Variants in MPP7 observed in about 807,000 individuals in gnomAD.
MPP7 encodes the protein MAGUK p55 subfamily member 7.
Under a neutral mutation model 76.5 loss-of-function variants are expected in MPP7, and 60 were observed. The ratio of observed to expected loss-of-function variants is 0.78; its 90% CI spans 0.64 to 0.97. MPP7 has a LOEUF of 0.97. MPP7 is among the 50% of genes least tolerant of loss of function. The probability of loss-of-function intolerance (pLI) is 0.00; values close to 1 mark genes in which losing one functional copy is unlikely to be tolerated. For synonymous variants in MPP7, 237 were observed against 244.5 expected (o/e 0.97, Z 0.29); for missense variants, 641 against 694.0 (o/e 0.92, Z 0.86).
intron 6 of MPP7, among the ~76,000 whole-genome samples, chr10:28,125,954 A>G (rs573791046): frequency 1.3e-5 from 2 of 152,344 alleles, no homozygotes; most frequent in South Asian, 4.1e-4. Flanking sequence ...AAGCCATCCA[A>G]CATTGCATAA....
At chr10:28,249,974 T>C (rs1285322243) in intron 1 of MPP7, among the ~76,000 whole-genome samples, 1 of 151,454 alleles carries the variant, frequency 6.6e-6, no homozygotes, top group African/African-American at 2.4e-5. Flanking sequence ...TGATTTAAAA[T>C]GTAATAGCAT....
At chr10:28,304,550 T>G (rs1335175832), upstream of MPP7, among the ~76,000 whole-genome samples, 1 of 152,208 alleles carries the variant, frequency 6.6e-6, no homozygotes, top group Non-Finnish European at 1.5e-5. Flanking sequence ...AGAATAACCT[T>G]ATTGCCTAAC....
intron 2 of MPP7, among the ~76,000 whole-genome samples, chr10:28,231,881 A>G (rs1012651525): frequency 1.3e-5 from 2 of 152,220 alleles, no homozygotes; most frequent in African/African-American, 2.4e-5. Flanking sequence ...CGAGACCAGC[A>G]TGACTTTTTG....
At chr10:28,329,203 C>T (rs1834448143) in intron 2 of MPP7, among the ~76,000 whole-genome samples, 2 of 152,128 alleles carry the variant, frequency 1.3e-5, no homozygotes, top group African/African-American at 2.4e-5. Context: ...AAATAGTCAA[C>T]ATTTCTAGAA....
chr10:28,063,204 T>C (rs1426024364), intron 13 of MPP7, among the ~76,000 whole-genome samples: 2 of 152,092 alleles, frequency 1.3e-5, no homozygotes, highest in Non-Finnish European at 2.9e-5. Flanking sequence ...CTCATACCTG[T>C]AATCCCACAC....
chr10:28,119,797 G>GA, intron 10 of MPP7, 82 bp from the exon 11 acceptor site: 1 of 1,130,832 alleles, frequency 8.8e-7, no homozygotes, highest in Non-Finnish European at 1.3e-6. Context: ...TTAGTCTTAA[G>GA]AAAAAACTTA....
chr10:28,285,298 C>A (rs1460615455), intron 1 of MPP7, among the ~76,000 whole-genome samples: 1 of 152,178 alleles, frequency 6.6e-6, no homozygotes, highest in Non-Finnish European at 1.5e-5. Flanking sequence ...GATTCTCCTG[C>A]CTCAGCCTCC....
intron 2 of MPP7, among the ~76,000 whole-genome samples, chr10:28,215,500 C>G (rs1023447406): frequency 6.6e-6 from 1 of 152,130 alleles, no homozygotes; most frequent in Non-Finnish European, 1.5e-5. Flanking sequence ...ATGTGAACAA[C>G]TCAGGGACAG....
intron 11 of MPP7, among the ~76,000 whole-genome samples, chr10:28,105,047 G>A (rs974179840): frequency 4.0e-5 from 6 of 151,330 alleles, no homozygotes; most frequent in African/African-American, 7.3e-5. Context: ...CCAGCTAGTC[G>A]GGAGGCTGAG....
chr10:28,192,068 AAAGT>A (rs1471894542), intron 3 of MPP7, among the ~76,000 whole-genome samples: 3 of 152,042 alleles, frequency 2.0e-5, no homozygotes, highest in African/African-American at 7.2e-5. Context: ...CCTGGGTGAC[AAAGT>A]AAGACTCTGC....
chr10:28,126,202 A>G (rs1835012787), intron 6 of MPP7, among the ~76,000 whole-genome samples: 1 of 152,258 alleles, frequency 6.6e-6, no homozygotes, highest in South Asian at 2.1e-4. Flanking sequence ...TCACCTGTGC[A>G]TGTATTCAAG....
At chr10:28,297,682 G>C (rs1334127972) in intron 1 of MPP7, among the ~76,000 whole-genome samples, 1 of 152,220 alleles carries the variant, frequency 6.6e-6, no homozygotes, top group African/African-American at 2.4e-5. Context: ...CTGGGCAACA[G>C]AGCGAGACTC....
intron 11 of MPP7, among the ~76,000 whole-genome samples, chr10:28,102,842 T>C (rs930008461): frequency 6.6e-6 from 1 of 152,204 alleles, no homozygotes; most frequent in Non-Finnish European, 1.5e-5. Context: ...AGGAGCTCCC[T>C]GCTTCTGCTG....
chr10:28,057,604 TC>T lies in MPP7; in HGVS notation c.1407+890del, dbSNP rs1227590956. On this transcript the variant is annotated intron_variant, in intron 15 of 16. Transcript: ENST00000683449. ...TGCAGAGCAGTGAGCCAATTAAACC[TC>T]TTTTTTTTTTTTTTTTTTTTTTTTT... The T allele has an allele frequency of 7.6e-5, 22 of 289,234 alleles. No homozygotes were observed. The East Asian group carries it at 8.4e-4, about 11-fold the overall frequency. 17.9% of individuals were successfully genotyped at this position (289,234 alleles called of 1,614,324 possible).
At chr10:28,070,242 A>C (rs1350412753) in intron 12 of MPP7, among the ~76,000 whole-genome samples, 1 of 151,844 alleles carries the variant, frequency 6.6e-6, no homozygotes, top group Non-Finnish European at 1.5e-5. Context: ...CTGAAAATAC[A>C]AAAAAAATTA....
chr10:28,287,257 C>G (rs985891329), intron 1 of MPP7, among the ~76,000 whole-genome samples: 13 of 151,976 alleles, frequency 8.6e-5, no homozygotes, highest in Non-Finnish European at 1.5e-5. Context: ...TGACAGCTTT[C>G]CCAATATGCA....
intron 3 of MPP7, among the ~76,000 whole-genome samples, chr10:28,160,379 T>C (rs1354967602): frequency 1.3e-5 from 2 of 152,186 alleles, no homozygotes; most frequent in East Asian, 3.9e-4. Context: ...GAGTGTGCCA[T>C]GGTGAAGAAC....
chr10:28,136,350 G>T (rs944405432), intron 5 of MPP7, among the ~76,000 whole-genome samples: 2 of 152,014 alleles, frequency 1.3e-5, no homozygotes, highest in East Asian at 3.9e-4. Context: ...GTTGGAGAAG[G>T]TTGATCCAAA....
Position 28,086,714 on chromosome 10 carries a change from G to A in MPP7, c.1123+2957C>T, listed in dbSNP as rs538808803. 2.0e-5 allele frequency among the ~76,000 whole-genome samples: 3 copies of A among 152,288 alleles called. No individual in the cohort carries two copies. The East Asian group carries it at 5.8e-4, about 29-fold the overall frequency. Reference sequence around the variant, plus strand: ...GGGTTCCATTACACAGTTTTGAGGAGGCTGATTAAGGCACACCCATGAAGA... The same window carrying A: ...GGGTTCCATTACACAGTTTTGAGGAAGCTGATTAAGGCACACCCATGAAGA... On this transcript the variant is annotated intron_variant, in intron 12 of 16. Coordinates refer to ENST00000683449, the MANE Select transcript of MPP7 (RefSeq NM_001318170.2).
Sources: gnomAD v4.1 joint callset for allele counts (sites outside exome capture counted in the v4.1 genomes callset) on GRCh38, gnomAD v4.1.1 for gene constraint, MANE v1.5 for transcripts, NCBI Gene and HGNC (gene_info 2026-07-23, HGNC 2026-07-21) for gene names.